The following HMGB1 variants were observed in gnomAD, a reference collection of about 807,000 sequenced individuals.
HMGB1 encodes the protein high mobility group protein B1.
For missense variants in HMGB1, 79 were observed against 253.5 expected, an observed-to-expected ratio of 0.31 and a Z score of 4.67; for synonymous variants, 81 against 84.0, an observed-to-expected ratio of 0.96 and a Z score of 0.19.
intron 1 of HMGB1, among the ~76,000 whole-genome samples, chr13:30,586,960 T>G (rs1200812557): frequency 1.3e-5 from 2 of 152,188 alleles, no homozygotes; most frequent in Non-Finnish European, 2.9e-5. Flanking sequence ...CCCAAGTATT[T>G]GTTGCTATAA....
intron 1 of HMGB1, among the ~76,000 whole-genome samples, chr13:30,477,932 GA>G (rs896797513): frequency 3.3e-5 from 5 of 149,660 alleles, no homozygotes; most frequent in Admixed American, 6.7e-5. Flanking sequence ...AGGTGTTAAA[GA>G]AAAAAAAAAT....
At chr13:30,475,148 T>TC (rs1242012313) in intron 1 of HMGB1, among the ~76,000 whole-genome samples, 1 of 137,248 alleles carries the variant, frequency 7.3e-6, no homozygotes, top group Non-Finnish European at 1.6e-5. Context: ...CTTTTTTTTT[T>TC]TTTTTTTTTT....
chr13:30,469,715 C>T (rs948572945), upstream of HMGB1, among the ~76,000 whole-genome samples: 1 of 152,144 alleles, frequency 6.6e-6, no homozygotes, highest in Admixed American at 6.5e-5. Context: ...ACTGCAACCT[C>T]TGCGTCCTTG....
intron 1 of HMGB1, among the ~76,000 whole-genome samples, chr13:30,593,647 T>C (rs1871470699): frequency 6.6e-6 from 1 of 152,232 alleles, no homozygotes; most frequent in African/African-American, 2.4e-5. Context: ...CTTCTAATAA[T>C]TATTTCAAAG....
At chr13:30,551,964 G>A (rs1869446794) in intron 1 of HMGB1, among the ~76,000 whole-genome samples, 1 of 152,106 alleles carries the variant, frequency 6.6e-6, no homozygotes, top group Non-Finnish European at 1.5e-5. Flanking sequence ...AAAGTGCTGG[G>A]ATTCCAGGTG....
chr13:30,518,144 C>A (rs1325048733), intron 1 of HMGB1, among the ~76,000 whole-genome samples: 1 of 151,832 alleles, frequency 6.6e-6, no homozygotes, highest in Admixed American at 6.6e-5. Context: ...CCAGCCTGGG[C>A]AAGATAGCGA....
At chr13:30,554,013 A>G in intron 1 of HMGB1, 1 of 1,481,936 alleles carries the variant, frequency 6.7e-7, no homozygotes, top group Non-Finnish European at 9.4e-7. Flanking sequence ...GCTGAACCGC[A>G]TTGTGGAGAA....
intron 1 of HMGB1, chr13:30,464,060 A>T: frequency 1.2e-5 from 12 of 973,384 alleles, no homozygotes; most frequent in Non-Finnish European, 1.5e-5. Context: ...AAGGTCAGAA[A>T]ACATGCTGCC....
rs544836463 is a variant in HMGB1 at position 30,581,878 on chromosome 13, T to C, written c.-15+34793A>G. On this transcript the variant is annotated intron_variant, in intron 1 of 4. Coordinates refer to the HMGB1 transcript ENST00000405805. ...TTCTCCTTGGCAAAGATTTCTTTCT[T>C]CAGTAAGTCTCAAGACTTTCTGGGA... Among the ~76,000 whole-genome samples, 29 of 152,328 alleles carry C rather than the reference T, an allele frequency of 1.9e-4. 1 individual carries two copies. Among genetic ancestry groups the C allele is most frequent in the African/African-American group, 6.5e-4 (27 of 41,570 alleles).
chr13:30,463,173 G>GT (rs1886469066), intron 3 of HMGB1, 34 bp downstream of exon 3: 2 of 1,589,672 alleles, frequency 1.3e-6, no homozygotes, highest in Admixed American at 1.8e-5. Context: ...ACTGTAAAAC[G>GT]TGTCTGGGAA....
chr13:30,592,014 G>A (rs1368265245), intron 1 of HMGB1, among the ~76,000 whole-genome samples: 1 of 151,974 alleles, frequency 6.6e-6, no homozygotes, highest in Admixed American at 6.6e-5. Context: ...AAGCAACTGT[G>A]TTCTTTCCTC....
At chr13:30,569,489 T>C (rs1025244915) in intron 1 of HMGB1, among the ~76,000 whole-genome samples, 3 of 152,216 alleles carry the variant, frequency 2.0e-5, no homozygotes, top group African/African-American at 7.2e-5. Context: ...TGCTAGGCAG[T>C]GTACTAGGCA....
chr13:30,462,227 C>T (rs1886392676), intron 4 of HMGB1: 1 of 391,204 alleles, frequency 2.6e-6, no homozygotes, highest in African/African-American at 2.1e-5. Context: ...TGTTTTTGTA[C>T]TGTATGCCAA....
intron 1 of HMGB1, chr13:30,464,285 G>C: frequency 1.0e-6 from 1 of 985,548 alleles, no homozygotes; most frequent in Middle Eastern, 5.2e-4. Flanking sequence ...AGGCAGCCTC[G>C]TTTCCTATCG....
At chr13:30,580,507 C>T (rs1170737905) in intron 1 of HMGB1, among the ~76,000 whole-genome samples, 2 of 152,114 alleles carry the variant, frequency 1.3e-5, no homozygotes, top group Non-Finnish European at 2.9e-5. Flanking sequence ...ATGGAATTCA[C>T]AGGAGAGCAA....
intron 1 of HMGB1, among the ~76,000 whole-genome samples, chr13:30,607,524 T>C (rs925838716): frequency 1.3e-5 from 2 of 152,230 alleles, no homozygotes; most frequent in Non-Finnish European, 2.9e-5. Context: ...TCCCCAGCCA[T>C]GCAGAAATGT....
intron 1 of HMGB1, among the ~76,000 whole-genome samples, chr13:30,473,723 A>G (rs536432175): frequency 8.5e-5 from 13 of 152,336 alleles, no homozygotes; most frequent in African/African-American, 2.6e-4. Flanking sequence ...ACACAGATAG[A>G]TAGCAGTTGA....
intron 1 of HMGB1, among the ~76,000 whole-genome samples, chr13:30,492,996 A>G (rs1002090256): frequency 1.4e-5 from 2 of 145,428 alleles, no homozygotes; most frequent in Non-Finnish European, 3.0e-5. Flanking sequence ...CTACATCTCA[A>G]AAAAAAAAAA....
At chr13:30,469,782 C>T (rs145839061), upstream of HMGB1, among the ~76,000 whole-genome samples, 113 of 152,322 alleles carry the variant, frequency 7.4e-4, no homozygotes, top group Non-Finnish European at 1.2e-3. Context: ...AGGCGCGTGC[C>T]ACCACGCCCA....
Sources: gnomAD v4.1 joint callset for allele counts (sites outside exome capture counted in the v4.1 genomes callset) on GRCh38, gnomAD v4.1.1 for gene constraint, MANE v1.5 for transcripts, NCBI Gene and HGNC (gene_info 2026-07-23, HGNC 2026-07-21) for gene names.